Variants in PRKAR2B observed in about 807,000 individuals in gnomAD.
PRKAR2B encodes the protein cAMP-dependent protein kinase type II-beta regulatory subunit.
PRKAR2B carries 14 observed loss-of-function variants against 49.9 expected under a neutral mutation model. The ratio of observed to expected loss-of-function variants is 0.28; its 90% CI spans 0.19 to 0.44. The LOEUF (loss-of-function observed/expected upper bound fraction) is 0.44. Among genes scored for constraint, PRKAR2B ranks in the 20% least tolerant of loss-of-function variants. The pLI, the probability that PRKAR2B is intolerant of heterozygous loss-of-function variation, is 1.00. For synonymous variants in PRKAR2B, 196 were observed against 197.7 expected (o/e 0.99, Z 0.07); for missense variants, 393 against 537.9 (o/e 0.73, Z 2.67).
In PRKAR2B at chr7:107,044,928, G is replaced by A. The variant is rs755331508; in HGVS notation, c.21G>A (p.Ala7=). 3.8e-6 allele frequency: 6 copies of A among 1,598,996 alleles called. No homozygotes were observed. Among genetic ancestry groups the A allele is most frequent in the South Asian group, 1.1e-5 (1 of 88,986 alleles). Residue 7 remains alanine (A), a synonymous_variant, in exon 1 of 11, where the codon GCG becomes GCA. Transcript: ENST00000265717. The part of the protein sequence containing the change: MSIEIP[A]GLTELLQGFT... ...GCAGGATGAGCATCGAGATCCCGGC[G>A]GGACTGACGGAGCTGCTGCAGGGCT...
chr7:107,107,745 C>A (rs1376886887), intron 2 of PRKAR2B, among the ~76,000 whole-genome samples: 2 of 151,948 alleles, frequency 1.3e-5, no homozygotes, highest in South Asian at 2.1e-4. Flanking sequence ...GTAGCCTCTG[C>A]CTCCTGGGTT....
chr7:107,151,120 A>T, intron 7 of PRKAR2B, 97 bp downstream of exon 7: 1 of 621,286 alleles, frequency 1.6e-6, no homozygotes, highest in Non-Finnish European at 2.5e-6. Context: ...TGAATAAAAA[A>T]AAATCTATCC....
intron 1 of PRKAR2B, among the ~76,000 whole-genome samples, chr7:107,052,371 T>C (rs1216300169): frequency 6.6e-6 from 1 of 152,144 alleles, no homozygotes; most frequent in Non-Finnish European, 1.5e-5. Context: ...TGAGCCGAGA[T>C]TGCGCCACTG....
At chr7:107,154,839 T>C (rs1796051403) in intron 8 of PRKAR2B, among the ~76,000 whole-genome samples, 2 of 152,198 alleles carry the variant, frequency 1.3e-5, no homozygotes, top group Non-Finnish European at 1.5e-5. Flanking sequence ...AACAGGTATA[T>C]GGGTAGAGCA....
At chr7:107,092,267 G>GTT (rs1369408346) in intron 2 of PRKAR2B, among the ~76,000 whole-genome samples, 1 of 149,326 alleles carries the variant, frequency 6.7e-6, no homozygotes, top group Non-Finnish European at 1.5e-5. Flanking sequence ...GTGTGTGTGT[G>GTT]TGCGTGTGTC....
chr7:107,130,248 C>G (rs981021484), intron 4 of PRKAR2B, among the ~76,000 whole-genome samples: 10 of 152,054 alleles, frequency 6.6e-5, no homozygotes, highest in Non-Finnish European at 2.9e-5. Context: ...GCCTGTAATC[C>G]CAGCACTTTG....
Position 107,145,975 on chromosome 7 carries a change from A to G in PRKAR2B, c.588-333A>G, listed in dbSNP as rs10282549. ...AGGCTGGTCTCAAACTCCTAACCTC[A>G]GGTGATCCACCCGCCTCAGCCTCCC... On this transcript the variant is annotated intron_variant, in intron 5 of 10. Coordinates refer to ENST00000265717, the MANE Select transcript of PRKAR2B (RefSeq NM_002736.3). Among the ~76,000 whole-genome samples, 491 of 152,202 alleles carry G rather than the reference A, an allele frequency of 3.2e-3. 2 individuals carry two copies. The highest frequency in any genetic ancestry group is 0.011 in the African/African-American group (457 of 41,546).
chr7:107,083,599 G>A (rs1794557527), intron 2 of PRKAR2B, among the ~76,000 whole-genome samples: 1 of 151,954 alleles, frequency 6.6e-6, no homozygotes, highest in African/African-American at 2.4e-5. Context: ...ACTGAGTCAA[G>A]CCTAGTTTTT....
intron 2 of PRKAR2B, among the ~76,000 whole-genome samples, chr7:107,110,409 C>A (rs779538542): frequency 2.0e-5 from 3 of 151,926 alleles, no homozygotes; most frequent in Non-Finnish European, 4.4e-5. Flanking sequence ...TGGAGAGGCA[C>A]GCGAGTTACT....
rs867480935 is a variant in PRKAR2B, at chr7:107,084,684, G to A, written c.343+14368G>A. Among the ~76,000 whole-genome samples, 7 of 150,476 alleles carry A rather than the reference G, an allele frequency of 4.7e-5. No homozygotes were observed. The East Asian group carries it at 5.8e-4, about 13-fold the overall frequency. On this transcript the variant is annotated intron_variant, in intron 2 of 10. Coordinates refer to ENST00000265717, the MANE Select transcript of PRKAR2B (RefSeq NM_002736.3). ...CACCCACACTGGAGTGCAGTGGCGC[G>A]ATCATGGCTCACTGCAAGCTCCGCC...
chr7:107,153,326 C>A (rs1796023145), intron 8 of PRKAR2B, 75 bp downstream of exon 8: 3 of 1,059,596 alleles, frequency 2.8e-6, no homozygotes, highest in African/African-American at 3.2e-5. Flanking sequence ...TCTTGATAAA[C>A]TTTTCATATT....
At chr7:107,095,629 G>C (rs996827419) in intron 2 of PRKAR2B, among the ~76,000 whole-genome samples, 1 of 152,190 alleles carries the variant, frequency 6.6e-6, no homozygotes, top group East Asian at 1.9e-4. Flanking sequence ...GTATGATATT[G>C]ACTGTGGGTT....
intron 1 of PRKAR2B, among the ~76,000 whole-genome samples, chr7:107,047,221 T>C (rs1441068255): frequency 6.6e-6 from 1 of 152,218 alleles, no homozygotes; most frequent in Non-Finnish European, 1.5e-5. Context: ...AACAGAAACT[T>C]TGGCAATAGT....
chr7:107,098,866 C>T (rs554148770), intron 2 of PRKAR2B, among the ~76,000 whole-genome samples: 1 of 152,172 alleles, frequency 6.6e-6, no homozygotes, highest in Non-Finnish European at 1.5e-5. Context: ...CTGCCTGATC[C>T]TTTCTCTGGA....
chr7:107,051,571 G>C (rs943523090), intron 1 of PRKAR2B, among the ~76,000 whole-genome samples: 10 of 152,228 alleles, frequency 6.6e-5, no homozygotes, highest in African/African-American at 2.4e-4. Context: ...AAATGACTCA[G>C]ACGGTTTCAT....
intron 2 of PRKAR2B, among the ~76,000 whole-genome samples, chr7:107,104,912 A>G (rs1795045100): frequency 6.6e-6 from 1 of 152,202 alleles, no homozygotes; most frequent in South Asian, 2.1e-4. Flanking sequence ...GTCCTTGTAT[A>G]AGGACTGGGA....
intron 6 of PRKAR2B, 78 bp downstream of exon 6, chr7:107,146,539 A>G: frequency 1.4e-6 from 2 of 1,454,248 alleles, no homozygotes; most frequent in South Asian, 2.5e-5. Flanking sequence ...TGCCGCATGT[A>G]GTATTTTAAT....
chr7:107,088,021 C>G (rs1438422853), intron 2 of PRKAR2B, among the ~76,000 whole-genome samples: 1 of 152,198 alleles, frequency 6.6e-6, no homozygotes, highest in African/African-American at 2.4e-5. Flanking sequence ...TGGCTGCCTA[C>G]TGTATACTAA....
At chr7:107,150,698 T>TAAAAAAAA (rs58258955) in intron 6 of PRKAR2B, among the ~76,000 whole-genome samples, 4 of 140,620 alleles carry the variant, frequency 2.8e-5, no homozygotes, top group Non-Finnish European at 6.2e-5. Flanking sequence ...ATGCTTTCTT[T>TAAAAAAAA]AAAAAAAAAA....
Sources: gnomAD v4.1 joint callset for allele counts (sites outside exome capture counted in the v4.1 genomes callset) on GRCh38, gnomAD v4.1.1 for gene constraint, MANE v1.5 for transcripts, NCBI Gene and HGNC (gene_info 2026-07-23, HGNC 2026-07-21) for gene names.